The following ELL variants were observed in gnomAD, a reference collection of about 807,000 sequenced individuals.
The protein encoded by ELL is elongation factor for RNA polymerase II.
Under a neutral mutation model 64.0 loss-of-function variants are expected in ELL, and 18 were observed. The observed-to-expected ratio is 0.28, with a 90% confidence interval of 0.19 to 0.42. ELL has a LOEUF of 0.42. Among genes scored for constraint, ELL ranks in the 10% least tolerant of loss-of-function variants. The pLI, the probability that ELL is intolerant of heterozygous loss-of-function variation, is 1.00. For missense variants in ELL, 797 were observed against 870.4 expected, an observed-to-expected ratio of 0.92 and a Z score of 1.06; for synonymous variants, 399 against 376.2, an observed-to-expected ratio of 1.06 and a Z score of -0.70.
intron 1 of ELL, among the ~76,000 whole-genome samples, chr19:18,487,585 C>T (rs1307550679): frequency 1.3e-5 from 2 of 152,224 alleles, no homozygotes; most frequent in East Asian, 3.9e-4. Flanking sequence ...ACTAGCCCCT[C>T]AGGGAGGCCC....
rs372532390 is a variant in ELL, at chr19:18,450,871, G to A, written c.1071C>T (p.Gly357=). Residue 357 remains glycine, a synonymous_variant, in exon 8 of 12, where the codon GGC becomes GGT. Coordinates refer to ENST00000262809, the MANE Select transcript of ELL (RefSeq NM_006532.4). ...RAQPAVNGKL[G]VPNGREALLP... Reference sequence around the variant, plus strand: ...GCAAGGCCTCACGGCCATTGGGCACGCCCAGCTTCCCGTTGACGGCAGGCT... The same window carrying A: ...GCAAGGCCTCACGGCCATTGGGCACACCCAGCTTCCCGTTGACGGCAGGCT... 3.0e-5 allele frequency: 47 copies of A among 1,583,978 alleles called. No individual in the cohort carries two copies. Among genetic ancestry groups the A allele is most frequent in the African/African-American group, 2.3e-4 (17 of 74,010 alleles).
chr19:18,519,231 CAAAA>C (rs781417623), intron 1 of ELL, among the ~76,000 whole-genome samples: 1 of 106,652 alleles, frequency 9.4e-6, no homozygotes. Flanking sequence ...GACTCCGTCT[CAAAA>C]AAAAAAAAAA....
intron 1 of ELL, among the ~76,000 whole-genome samples, chr19:18,479,441 C>G (rs10409505): frequency 0.47 from 71,009 of 152,062 alleles, 19,217 homozygotes; most frequent in African/African-American, 0.76. Flanking sequence ...AGGCATGGTA[C>G]CTCACACCTG....
In ELL at chr19:18,450,486, C is replaced by G; in HGVS notation, c.1456G>C (p.Asp486His). ...ATHATPGAPADTPGLNGTCSV... is the reference protein window; with the variant it reads ...ATHATPGAPAHTPGLNGTCSV... ...CTGCCTGGGCACCTACCTGGGGTGTCTGCTGGGGCTCCGGGGGTGGCATGG... is the reference window on the plus strand; with the variant it reads ...CTGCCTGGGCACCTACCTGGGGTGTGTGCTGGGGCTCCGGGGGTGGCATGG... The change falls in exon 8 of 12, where the codon GAC (aspartate) becomes CAC (histidine). Residue 486 changes from aspartate (D) to histidine (H), a missense_variant. Coordinates refer to ENST00000262809, the MANE Select transcript of ELL (RefSeq NM_006532.4). 1 of 1,612,670 alleles carries G rather than the reference C, an allele frequency of 6.2e-7. No homozygotes were observed. The highest frequency in any genetic ancestry group is 8.5e-7 in the Non-Finnish European group (1 of 1,179,780).
At chr19:18,518,379 T>C (rs1976175469) in intron 1 of ELL, among the ~76,000 whole-genome samples, 1 of 150,824 alleles carries the variant, frequency 6.6e-6, no homozygotes, top group Admixed American at 6.6e-5. Flanking sequence ...TGCACACCTG[T>C]GGCCCCAGCT....
At position 18,444,644 on chromosome 19, in the gene ELL, T is replaced by C; in HGVS notation, c.*108A>G. On this transcript the variant is annotated 3_prime_UTR_variant, in exon 12 of 12. Transcript: ENST00000262809. Reference sequence around the variant, plus strand: ...CAGGGGCTGCCCTGAAAGCCGGCGGTGCTGGCTCAGATGAGCATCTTCCTC... The same window carrying C: ...CAGGGGCTGCCCTGAAAGCCGGCGGCGCTGGCTCAGATGAGCATCTTCCTC... 16 of 1,256,140 alleles carry C rather than the reference T, an allele frequency of 1.3e-5. No homozygotes were observed. Among genetic ancestry groups the C allele is most frequent in the Non-Finnish European group, 1.8e-5 (16 of 913,412 alleles). 77.8% of individuals were successfully genotyped at this position (1,256,140 alleles called of 1,614,324 possible).
intron 1 of ELL, among the ~76,000 whole-genome samples, chr19:18,520,444 T>C (rs1490290130): frequency 1.3e-5 from 2 of 152,014 alleles, no homozygotes; most frequent in Non-Finnish European, 2.9e-5. Flanking sequence ...AGCCTCATCT[T>C]GGGGAGTCTT....
At chr19:18,498,851 G>A (rs1363426058) in intron 1 of ELL, among the ~76,000 whole-genome samples, 2 of 152,216 alleles carry the variant, frequency 1.3e-5, no homozygotes, top group Admixed American at 6.5e-5. Flanking sequence ...TTGGGAGGCT[G>A]AGGCAGGAGA....
At chr19:18,482,794 T>TTGTTGTTGTTGTTGCTGCTGC (rs139501319) in intron 1 of ELL, among the ~76,000 whole-genome samples, 1 of 150,066 alleles carries the variant, frequency 6.7e-6, no homozygotes, top group Non-Finnish European at 1.5e-5. Flanking sequence ...GTTGTTGTTG[T>TTGTTGTTGTTGTTGCTGCTGC]TGCTGCTGTT....
At chr19:18,450,147 G>A (rs759397357) in intron 8 of ELL, among the ~76,000 whole-genome samples, 1 of 152,260 alleles carries the variant, frequency 6.6e-6, no homozygotes, top group Non-Finnish European at 1.5e-5. Context: ...TGCAGTCAGA[G>A]CTGGGGCCTG....
chr19:18,513,803 C>T (rs1282272823), intron 1 of ELL, among the ~76,000 whole-genome samples: 1 of 151,842 alleles, frequency 6.6e-6, no homozygotes, highest in Non-Finnish European at 1.5e-5. Flanking sequence ...TGGTGGCGGG[C>T]GCCTGTAGTC....
At chr19:18,447,760 C>T (rs1049284016) in intron 8 of ELL, among the ~76,000 whole-genome samples, 1 of 151,968 alleles carries the variant, frequency 6.6e-6, no homozygotes, top group Non-Finnish European at 1.5e-5. Context: ...ATGATTTTAT[C>T]AATTTCAGAT....
At chr19:18,506,663 G>A (rs765596107) in intron 1 of ELL, among the ~76,000 whole-genome samples, 3 of 152,164 alleles carry the variant, frequency 2.0e-5, no homozygotes, top group Non-Finnish European at 4.4e-5. Context: ...AGCCAAGGCT[G>A]CAGTGAGCTA....
At chr19:18,476,584 C>G (rs182411579) in intron 1 of ELL, among the ~76,000 whole-genome samples, 3 of 152,060 alleles carry the variant, frequency 2.0e-5, no homozygotes, top group Admixed American at 2.0e-4. Flanking sequence ...TCCTTTCTTG[C>G]CAAGTCGCTT....
intron 7 of ELL, 68 bp from the exon 8 acceptor site, chr19:18,451,043 G>A: frequency 6.9e-7 from 1 of 1,447,706 alleles, no homozygotes; most frequent in Non-Finnish European, 9.1e-7. Context: ...GCAATCCCCT[G>A]GCCTGGCTAG....
chr19:18,511,614 C>T (rs60687616), intron 1 of ELL, among the ~76,000 whole-genome samples: 3,985 of 152,222 alleles, frequency 0.026, 112 homozygotes, highest in African/African-American at 0.073. Flanking sequence ...TGCCCACTGC[C>T]CACCACCCAC....
At position 18,502,842 on chromosome 19, in the gene ELL, C is replaced by A. The variant is rs185883870; in HGVS notation, c.135+19079G>T. 1.9e-3 allele frequency among the ~76,000 whole-genome samples: 290 copies of A among 152,314 alleles called. 3 individuals are homozygous for A. Among genetic ancestry groups the A allele is most frequent in the African/African-American group, 6.1e-3 (252 of 41,556 alleles). On this transcript the variant is annotated intron_variant, in intron 1 of 11. Transcript: ENST00000262809. ...GGGAAGGAGTTTTGGGCCATCAATG[C>A]GGAATCCAAAAGCCCCTGTCTTGGG...
intron 1 of ELL, among the ~76,000 whole-genome samples, chr19:18,491,562 C>G (rs942694456): frequency 6.6e-6 from 1 of 152,134 alleles, no homozygotes; most frequent in Admixed American, 6.6e-5. Flanking sequence ...GCCTGCCGTC[C>G]TGCCCTGCAG....
rs201990157 is a variant in ELL at position 18,466,123 on chromosome 19, AGGCACC to A, written c.184-211_184-206del. On this transcript the variant is annotated intron_variant, in intron 2 of 11. Transcript: ENST00000262809. ...CACACACTGCGTAGAGAGGGGACTC[AGGCACC>A]TATGCGGGTGGGCATGGGGCCAGGG... is the stretch of plus-strand genomic sequence containing the variant. Among the ~76,000 whole-genome samples the A allele has an allele frequency of 2.2e-3, 342 of 152,320 alleles. 1 individual carries two copies. Among genetic ancestry groups the A allele is most frequent in the African/African-American group, 8.0e-3 (331 of 41,574 alleles).
Sources: allele counts gnomAD v4.1 joint callset (sites outside exome capture counted in the v4.1 genomes callset), GRCh38; gene constraint gnomAD v4.1.1; transcripts MANE v1.5; gene names NCBI Gene and HGNC (gene_info 2026-07-23, HGNC 2026-07-21).